MYO16: variants seen among roughly 807,000 people sequenced by gnomAD.
MYO16 encodes unconventional myosin-XVI.
In MYO16, 94 loss-of-function variants were observed where a neutral mutation model predicts 205.3. That is an observed-to-expected ratio of 0.46 (90% CI 0.39 to 0.54). The LOEUF is 0.54. MYO16 is among the 20% of genes least tolerant of loss of function. MYO16 has a pLI of 0.00. For synonymous variants in MYO16, 988 were observed against 954.0 expected (o/e 1.04, Z -0.66); for missense variants, 2,315 against 2,387.5 (o/e 0.97, Z 0.63).
At chr13:108,544,448 T>A in the MYO16 span, among the ~76,000 whole-genome samples, 1 of 152,332 alleles carries the variant, frequency 6.6e-6, no homozygotes, top group East Asian at 1.9e-4. Flanking sequence ...GAGATTTTGT[T>A]CAGGCATGCA....
the MYO16 span, among the ~76,000 whole-genome samples, chr13:108,509,817 T>A: frequency 5.3e-5 from 8 of 152,294 alleles, no homozygotes; most frequent in South Asian, 1.5e-3. Context: ...AAAAGGAATA[T>A]GACCCAACTG....
At chr13:109,048,303 G>GA in intron 24 of MYO16, 1 of 730,958 alleles carries the variant, frequency 1.4e-6, no homozygotes, top group Non-Finnish European at 2.5e-6. Context: ...AAAGTTCCAG[G>GA]AAAAAACAAT....
chr13:108,741,004 G>T (rs1200557547), intron 4 of MYO16, among the ~76,000 whole-genome samples: 1 of 152,178 alleles, frequency 6.6e-6, no homozygotes, highest in Admixed American at 6.5e-5. Flanking sequence ...TAGGGTGGGA[G>T]TGACCCGATT....
the MYO16 span, among the ~76,000 whole-genome samples, chr13:108,510,630 G>A: frequency 1.0e-4 from 5 of 48,984 alleles, no homozygotes; most frequent in African/African-American, 1.8e-4. Flanking sequence ...CCCCTCCCCC[G>A]ACCCCACCAC....
rs72668518 is a variant in MYO16, at chr13:108,764,608, A to G, written c.508-21027A>G. On this transcript the variant is annotated intron_variant, in intron 4 of 34. Coordinates refer to ENST00000457511, the MANE Select transcript of MYO16 (RefSeq NM_001198950.3). ...TGACTGGCTTAGTAGGAAATGCAAT[A>G]TAAATGACTCAAAATTATGTTGAAT... Among the ~76,000 whole-genome samples, 383 of 152,302 alleles carry G rather than the reference A, an allele frequency of 2.5e-3. 3 individuals are homozygous for G. Among genetic ancestry groups the G allele is most frequent in the African/African-American group, 9.0e-3 (373 of 41,560 alleles).
At chr13:108,822,495 AT>A (rs1876033172) in intron 8 of MYO16, among the ~76,000 whole-genome samples, 1 of 152,158 alleles carries the variant, frequency 6.6e-6, no homozygotes, top group South Asian at 2.1e-4. Context: ...CAATTTCTAT[AT>A]CAGTAATTGT....
chr13:108,853,119 C>T lies in MYO16; in HGVS notation c.1249-2324C>T, dbSNP rs112683094. On this transcript the variant is annotated intron_variant, in intron 10 of 34. Coordinates refer to ENST00000457511, the MANE Select transcript of MYO16 (RefSeq NM_001198950.3). ...CACCAGTTCCTTCGCCTAAGGGCTACGCCGAAGGCAGCATCACTTCTATGG... is the reference window on the plus strand; with the variant it reads ...CACCAGTTCCTTCGCCTAAGGGCTATGCCGAAGGCAGCATCACTTCTATGG... Among the ~76,000 whole-genome samples the T allele has an allele frequency of 2.2e-3, 332 of 152,316 alleles. 1 individual carries two copies. Among genetic ancestry groups the T allele is most frequent in the African/African-American group, 7.3e-3 (302 of 41,556 alleles).
intron 1 of MYO16, among the ~76,000 whole-genome samples, chr13:108,604,009 C>A (rs761757143): frequency 6.6e-6 from 1 of 152,084 alleles, no homozygotes; most frequent in Non-Finnish European, 1.5e-5. Context: ...AATTTATAAT[C>A]ATGGCATAAG....
chr13:108,973,755 A>C (rs1376399403), intron 20 of MYO16, among the ~76,000 whole-genome samples: 2 of 152,220 alleles, frequency 1.3e-5, no homozygotes, highest in Non-Finnish European at 2.9e-5. Context: ...ACAGCACTTA[A>C]GAGAATGTTA....
chr13:108,920,892 T>C (rs1459696548), intron 16 of MYO16, among the ~76,000 whole-genome samples: 2 of 152,194 alleles, frequency 1.3e-5, no homozygotes, highest in Non-Finnish European at 2.9e-5. Flanking sequence ...ACTTTGCCAG[T>C]GATTGTGATG....
chr13:108,629,365 CAG>C (rs1566514162), upstream of MYO16: 2 of 153,314 alleles, frequency 1.3e-5, no homozygotes, highest in Admixed American at 6.5e-5. Flanking sequence ...GGCTGATGGA[CAG>C]TGTGCACGAA....
intron 33 of MYO16, chr13:109,167,265 C>T (rs1878712257): frequency 6.6e-6 from 1 of 152,112 alleles, no homozygotes; most frequent in African/African-American, 2.4e-5. Flanking sequence ...GAGGTGGGCT[C>T]ACCAGCATCT....
chr13:108,695,679 A>G (rs1883065460), intron 2 of MYO16, among the ~76,000 whole-genome samples: 1 of 152,188 alleles, frequency 6.6e-6, no homozygotes, highest in South Asian at 2.1e-4. Flanking sequence ...GCAGTTACTT[A>G]CTAAAATGTT....
rs150804584 is a variant in MYO16 at position 109,122,221 on chromosome 13, T to C, written c.3535+1755T>C. Among the ~76,000 whole-genome samples the C allele has an allele frequency of 5.1e-3, 776 of 152,244 alleles. 7 individuals carry two copies. The highest frequency in any genetic ancestry group is 0.018 in the African/African-American group (739 of 41,540). On this transcript the variant is annotated intron_variant, in intron 29 of 34. Transcript: ENST00000457511. Reference sequence around the variant, plus strand: ...AAAGACAGAACAGGGTATCACAAATTCTCCTGAAAACTTCCCTTAAATATA... The same window carrying C: ...AAAGACAGAACAGGGTATCACAAATCCTCCTGAAAACTTCCCTTAAATATA...
At chr13:108,978,144 T>C (rs1566442902) in intron 20 of MYO16, among the ~76,000 whole-genome samples, 1 of 152,064 alleles carries the variant, frequency 6.6e-6, no homozygotes, top group Non-Finnish European at 1.5e-5. Flanking sequence ...CTTATGTTGA[T>C]CTCATATGTA....
chr13:109,131,272 C>T (rs1319480397), intron 31 of MYO16, among the ~76,000 whole-genome samples: 1 of 152,162 alleles, frequency 6.6e-6, no homozygotes, highest in Non-Finnish European at 1.5e-5. Context: ...GAGATCTGAT[C>T]GGAGACCAAG....
intron 27 of MYO16, among the ~76,000 whole-genome samples, chr13:109,089,258 G>C (rs961266777): frequency 1.3e-5 from 2 of 151,484 alleles, no homozygotes; most frequent in African/African-American, 2.4e-5. Context: ...CTGTCCCCCA[G>C]GCTGGAGTGC....
chr13:109,181,902 C>A lies in MYO16; in HGVS notation c.5415+2269C>A, dbSNP rs189587170. Among the ~76,000 whole-genome samples, 362 of 151,538 alleles carry A rather than the reference C, an allele frequency of 2.4e-3. 4 individuals carry two copies. The highest frequency in any genetic ancestry group is 8.5e-3 in the African/African-American group (350 of 41,136). ...ATGGGATGATCTCAGCTCACTGCAA[C>A]CTCCACCTCCCGGTTCAAGTGATTC... On this transcript the variant is annotated intron_variant, in intron 34 of 34. Transcript: ENST00000457511.
chr13:109,034,733 T>C (rs1273286266), intron 23 of MYO16, among the ~76,000 whole-genome samples: 1 of 152,230 alleles, frequency 6.6e-6, no homozygotes, highest in Admixed American at 6.5e-5. Context: ...CCAAGGATGA[T>C]ATTTTAATAA....
Sources: allele counts gnomAD v4.1 joint callset (sites outside exome capture counted in the v4.1 genomes callset), GRCh38; gene constraint gnomAD v4.1.1; transcripts MANE v1.5; gene names NCBI Gene and HGNC (gene_info 2026-07-23, HGNC 2026-07-21).